AGBL4: variants seen among roughly 807,000 people sequenced by gnomAD.
AGBL4 encodes cytosolic carboxypeptidase 6.
A neutral mutation model predicts 66.4 loss-of-function variants in AGBL4; 58 were observed. The ratio of observed to expected loss-of-function variants is 0.87; its 90% CI spans 0.71 to 1.09. The LOEUF (loss-of-function observed/expected upper bound fraction) is 1.09, where lower values mean the gene tolerates loss of function less well. Among genes scored for constraint, AGBL4 ranks in the 50% least tolerant of loss-of-function variants. AGBL4 has a pLI of 0.00. For synonymous variants in AGBL4, 234 were observed against 222.9 expected (o/e 1.05, Z -0.44); for missense variants, 579 against 631.0 (o/e 0.92, Z 0.88).
chr1:49,396,902 T>C (rs896503063), intron 3 of AGBL4, among the ~76,000 whole-genome samples: 11 of 152,176 alleles, frequency 7.2e-5, no homozygotes, highest in African/African-American at 2.7e-4. Flanking sequence ...CCCAACCTTT[T>C]TGGCATAAGG....
At chr1:49,157,153 T>C (rs1646447428) in intron 4 of AGBL4, among the ~76,000 whole-genome samples, 2 of 152,094 alleles carry the variant, frequency 1.3e-5, no homozygotes, top group South Asian at 4.1e-4. Flanking sequence ...GTTGCACAGG[T>C]ATACACGTGC....
At chr1:49,404,672 G>A (rs923950781) in intron 3 of AGBL4, among the ~76,000 whole-genome samples, 2 of 151,992 alleles carry the variant, frequency 1.3e-5, no homozygotes, top group African/African-American at 4.8e-5. Context: ...TTAACTGAGT[G>A]TTTACAAAAT....
At chr1:49,762,491 A>C (rs1400469139) in intron 2 of AGBL4, among the ~76,000 whole-genome samples, 2 of 150,300 alleles carry the variant, frequency 1.3e-5, no homozygotes, top group African/African-American at 2.5e-5. Context: ...TGGCTCACTG[A>C]AAGCTCCGTC....
intron 6 of AGBL4, among the ~76,000 whole-genome samples, chr1:48,813,076 G>A (rs912309678): frequency 6.6e-5 from 10 of 151,562 alleles, no homozygotes; most frequent in South Asian, 4.2e-4. Flanking sequence ...AAACCTGCAA[G>A]TTGTGCACAT....
At chr1:49,910,044 G>A (rs189691367) in intron 1 of AGBL4, among the ~76,000 whole-genome samples, 2 of 152,262 alleles carry the variant, frequency 1.3e-5, no homozygotes, top group African/African-American at 4.8e-5. Context: ...AGGTATAAAG[G>A]TGGGAGCCAT....
At chr1:48,647,759 A>T (rs1300589780) in intron 8 of AGBL4, among the ~76,000 whole-genome samples, 1 of 152,178 alleles carries the variant, frequency 6.6e-6, no homozygotes, top group Non-Finnish European at 1.5e-5. Context: ...CTGCAAAAGA[A>T]GTGACGAGGA....
chr1:50,015,999 A>G (rs1466391526), intron 1 of AGBL4, among the ~76,000 whole-genome samples: 1 of 152,236 alleles, frequency 6.6e-6, no homozygotes, highest in Non-Finnish European at 1.5e-5. Flanking sequence ...AATGACTTAA[A>G]TGTAAAAACT....
chr1:49,338,737 T>A (rs1004540929), intron 3 of AGBL4, among the ~76,000 whole-genome samples: 5 of 152,180 alleles, frequency 3.3e-5, no homozygotes, highest in African/African-American at 1.2e-4. Context: ...TCTGCTCCGA[T>A]GATCAGAAGC....
At chr1:49,744,693 T>G (rs1650850410) in intron 2 of AGBL4, among the ~76,000 whole-genome samples, 1 of 152,124 alleles carries the variant, frequency 6.6e-6, no homozygotes, top group Non-Finnish European at 1.5e-5. Context: ...TTTCTTCTGA[T>G]TTAAAAGATA....
chr1:49,259,073 G>C (rs960670844), intron 3 of AGBL4, among the ~76,000 whole-genome samples: 3 of 151,912 alleles, frequency 2.0e-5, no homozygotes, highest in South Asian at 2.1e-4. Flanking sequence ...ATAAGTGAAG[G>C]AGAAATAAAA....
At chr1:49,741,123 G>T (rs370121975) in intron 2 of AGBL4, among the ~76,000 whole-genome samples, 8 of 151,998 alleles carry the variant, frequency 5.3e-5, no homozygotes, top group Non-Finnish European at 1.2e-4. Context: ...ATGGTTTTTC[G>T]AAAGGATCAA....
At chr1:49,977,570 C>G (rs1344434377) in intron 1 of AGBL4, among the ~76,000 whole-genome samples, 1 of 152,224 alleles carries the variant, frequency 6.6e-6, no homozygotes, top group Non-Finnish European at 1.5e-5. Flanking sequence ...GCCCATAGAC[C>G]ATCTGAAGGA....
At chr1:49,986,817 T>C (rs1572014627) in intron 1 of AGBL4, among the ~76,000 whole-genome samples, 1 of 152,254 alleles carries the variant, frequency 6.6e-6, no homozygotes, top group South Asian at 2.1e-4. Context: ...TCTTACATGC[T>C]ACCATTGCCC....
At chr1:49,814,209 A>G (rs1645177513) in intron 2 of AGBL4, among the ~76,000 whole-genome samples, 1 of 152,160 alleles carries the variant, frequency 6.6e-6, no homozygotes. Context: ...TGATAAGATG[A>G]CATTTCAGCA....
intron 1 of AGBL4, among the ~76,000 whole-genome samples, chr1:49,861,164 C>T (rs1272220936): frequency 6.6e-6 from 1 of 152,138 alleles, no homozygotes; most frequent in African/African-American, 2.4e-5. Flanking sequence ...GGCCAAAGTG[C>T]TCTTGGTCTC....
chr1:49,502,514 C>CA (rs1346231507), intron 3 of AGBL4, among the ~76,000 whole-genome samples: 1 of 151,684 alleles, frequency 6.6e-6, no homozygotes, highest in Non-Finnish European at 1.5e-5. Context: ...GCTCAGAAGA[C>CA]AAAAAATTGG....
intron 4 of AGBL4, among the ~76,000 whole-genome samples, chr1:49,123,927 A>T (rs1010401410): frequency 2.6e-5 from 4 of 152,156 alleles, no homozygotes; most frequent in African/African-American, 9.7e-5. Context: ...CAGAAGGGAC[A>T]GCTTGCAATA....
chr1:48,585,453 G>A (rs568767029), intron 11 of AGBL4: 1 of 152,328 alleles, frequency 6.6e-6, no homozygotes, highest in African/African-American at 2.4e-5. Context: ...GCAGATTCTG[G>A]AGAAGGCATA....
intron 5 of AGBL4, among the ~76,000 whole-genome samples, chr1:48,880,662 G>T (rs1416002364): frequency 6.6e-6 from 1 of 152,018 alleles, no homozygotes; most frequent in Admixed American, 6.6e-5. Context: ...GGCCATTCTT[G>T]CAGGAGTAAG....
Sources: allele counts gnomAD v4.1 joint callset (sites outside exome capture counted in the v4.1 genomes callset), GRCh38; gene constraint gnomAD v4.1.1; transcripts MANE v1.5; gene names NCBI Gene and HGNC (gene_info 2026-07-23, HGNC 2026-07-21).